Variants in HDAC9 observed in about 807,000 individuals in gnomAD.
HDAC9 encodes the protein histone deacetylase 9, also known as MEF-2 interacting transcription repressor (MITR) protein.
In HDAC9, 41 loss-of-function variants were observed where a neutral mutation model predicts 139.4. That is an observed-to-expected ratio of 0.29 (90% CI 0.23 to 0.38). The LOEUF is 0.38. HDAC9 is among the 10% of genes least tolerant of loss of function. The pLI, the probability that HDAC9 is intolerant of heterozygous loss-of-function variation, is 1.00. For synonymous variants in HDAC9, 517 were observed against 476.2 expected (o/e 1.09, Z -1.12); for missense variants, 1,147 against 1,297.0 (o/e 0.88, Z 1.78).
chr7:18,791,226 A>G (rs1792281292), intron 16 of HDAC9, among the ~76,000 whole-genome samples: 1 of 152,186 alleles, frequency 6.6e-6, no homozygotes, highest in South Asian at 2.1e-4. Flanking sequence ...GATGTACTCC[A>G]AAGTTGAGTA....
At chr7:18,698,031 C>A (rs1429330289) in intron 12 of HDAC9, among the ~76,000 whole-genome samples, 1 of 151,824 alleles carries the variant, frequency 6.6e-6, no homozygotes, top group Non-Finnish European at 1.5e-5. Context: ...GACGCATGAA[C>A]AAAAATTATG....
chr7:18,771,931 T>C (rs891504296), intron 16 of HDAC9, among the ~76,000 whole-genome samples: 3 of 152,100 alleles, frequency 2.0e-5, no homozygotes, highest in Non-Finnish European at 4.4e-5. Flanking sequence ...AGATAAGGCA[T>C]GAAGGGCAGG....
rs532930173 is a variant in HDAC9 at position 18,623,813 on chromosome 7, G to A, written c.665-5537G>A. On this transcript the variant is annotated intron_variant, in intron 6 of 25. Coordinates refer to ENST00000686413, the MANE Select transcript of HDAC9 (RefSeq NM_178425.4). The stretch of plus-strand genomic sequence containing the variant: ...AAAAATTAGCCAGGTGTGGTGGCAC[G>A]CCCCTATAATCCCAGCTACTTGGGA... Among the ~76,000 whole-genome samples the A allele has an allele frequency of 8.5e-5, 13 of 152,214 alleles. No individual in the cohort carries two copies. The East Asian group carries it at 1.9e-3, about 23-fold the overall frequency.
At chr7:18,813,189 C>T (rs555451850) in intron 17 of HDAC9, among the ~76,000 whole-genome samples, 2 of 151,928 alleles carry the variant, frequency 1.3e-5, no homozygotes, top group Non-Finnish European at 2.9e-5. Context: ...CTTTGCCTGT[C>T]TTGTAATATT....
intron 6 of HDAC9, among the ~76,000 whole-genome samples, chr7:18,607,216 C>T (rs1835766525): frequency 6.6e-6 from 1 of 152,132 alleles, no homozygotes; most frequent in East Asian, 1.9e-4. Flanking sequence ...GAGCAAGTAT[C>T]AAATGACAAT....
chr7:18,618,932 A>T lies in HDAC9; in HGVS notation c.665-10418A>T, dbSNP rs560799274. Among the ~76,000 whole-genome samples the T allele has an allele frequency of 1.3e-3, 202 of 151,870 alleles. 6 individuals are homozygous for T. Among genetic ancestry groups the T allele is most frequent in the Admixed American group, 0.012 (185 of 15,228 alleles). On this transcript the variant is annotated intron_variant, in intron 6 of 25. Transcript: ENST00000686413. Reference sequence around the variant, plus strand: ...CCAATTCAGAAGTATACTTTATAATAAAACTTTGGGATTCAGGTAGAAAAG... The same window carrying T: ...CCAATTCAGAAGTATACTTTATAATTAAACTTTGGGATTCAGGTAGAAAAG...
chr7:18,298,873 A>G (rs981038176), intron 1 of HDAC9, among the ~76,000 whole-genome samples: 1 of 152,202 alleles, frequency 6.6e-6, no homozygotes, highest in Non-Finnish European at 1.5e-5. Context: ...AAAGTTTCAT[A>G]TCAGCATTTT....
intron 6 of HDAC9, 67 bp downstream of exon 6, chr7:18,594,096 A>G (rs1396700179): frequency 6.4e-6 from 10 of 1,552,128 alleles, no homozygotes; most frequent in Non-Finnish European, 8.8e-6. Context: ...ATTTTGCCAC[A>G]CCTCTAGAAG....
At chr7:18,898,952 G>T (rs979400132) in intron 22 of HDAC9, among the ~76,000 whole-genome samples, 11 of 151,876 alleles carry the variant, frequency 7.2e-5, no homozygotes, top group Non-Finnish European at 1.3e-4. Context: ...CCCCTTAAAA[G>T]ACGAAAGAAG....
At chr7:18,915,823 T>C (rs1351849924) in intron 22 of HDAC9, among the ~76,000 whole-genome samples, 2 of 151,836 alleles carry the variant, frequency 1.3e-5, no homozygotes, top group African/African-American at 4.8e-5. Context: ...TCTCTATTTA[T>C]GGTTTTTTTG....
chr7:18,748,762 G>A (rs1476817851), intron 13 of HDAC9, among the ~76,000 whole-genome samples: 1 of 152,144 alleles, frequency 6.6e-6, no homozygotes, highest in Admixed American at 6.5e-5. Flanking sequence ...TCACTTTACA[G>A]ATTTACTAAA....
chr7:18,178,824 A>G (rs1789166478), intron 2 of HDAC9, among the ~76,000 whole-genome samples: 1 of 152,250 alleles, frequency 6.6e-6, no homozygotes, highest in South Asian at 2.1e-4. Context: ...ATACATAGAA[A>G]GGAAAACATC....
At chr7:18,532,429 T>G (rs1299608388) in intron 2 of HDAC9, among the ~76,000 whole-genome samples, 1 of 152,196 alleles carries the variant, frequency 6.6e-6, no homozygotes, top group Non-Finnish European at 1.5e-5. Context: ...GATACAGGGA[T>G]GGGAAGAGAA....
chr7:18,535,973 C>T (rs1293562742), intron 2 of HDAC9, among the ~76,000 whole-genome samples: 1 of 152,190 alleles, frequency 6.6e-6, no homozygotes, highest in African/African-American at 2.4e-5. Context: ...AGATGCCCCA[C>T]TCAAACCTCC....
intron 2 of HDAC9, among the ~76,000 whole-genome samples, chr7:18,279,242 C>A (rs1463804421): frequency 1.4e-4 from 21 of 152,064 alleles, no homozygotes; most frequent in Admixed American, 1.4e-3. Context: ...TTTTGTTGTC[C>A]CAATGTTAGT....
chr7:18,617,081 C>G (rs907403579), intron 6 of HDAC9, among the ~76,000 whole-genome samples: 16 of 152,292 alleles, frequency 1.1e-4, no homozygotes, highest in Middle Eastern at 3.4e-3. Context: ...GTACTAACTT[C>G]TGTTATTGCT....
chr7:18,418,391 G>T (rs1585755518), intron 1 of HDAC9, among the ~76,000 whole-genome samples: 1 of 126,956 alleles, frequency 7.9e-6, no homozygotes, highest in Admixed American at 8.1e-5. Context: ...ATAAAAACTT[G>T]CCTTTTTTTA....
chr7:18,819,362 T>C (rs1201343509), intron 17 of HDAC9, among the ~76,000 whole-genome samples: 1 of 152,238 alleles, frequency 6.6e-6, no homozygotes, highest in Non-Finnish European at 1.5e-5. Flanking sequence ...GCTTACTGCC[T>C]GCCCTTTATT....
intron 2 of HDAC9, among the ~76,000 whole-genome samples, chr7:18,539,071 C>G (rs1238428747): frequency 6.6e-6 from 1 of 152,130 alleles, no homozygotes; most frequent in African/African-American, 2.4e-5. Flanking sequence ...CTCCCAAAAG[C>G]CCCACCTCCA....
Sources: gnomAD v4.1 joint callset for allele counts (sites outside exome capture counted in the v4.1 genomes callset) on GRCh38, gnomAD v4.1.1 for gene constraint, MANE v1.5 for transcripts, NCBI Gene and HGNC (gene_info 2026-07-23, HGNC 2026-07-21) for gene names.